Variants in NNT observed in about 807,000 individuals in gnomAD.
NNT encodes the protein NAD(P) transhydrogenase, mitochondrial.
Under a neutral mutation model 104.8 loss-of-function variants are expected in NNT, and 50 were observed. The observed-to-expected ratio is 0.48, with a 90% CI of 0.38 to 0.60. The LOEUF is 0.60. NNT is among the 20% of genes least tolerant of loss of function. The pLI is 0.00. For missense variants in NNT, 1,131 were observed against 1,330.7 expected (o/e 0.85, Z 2.33); for synonymous variants, 461 against 490.4 (o/e 0.94, Z 0.79).
At chr5:43,685,176 A>G (rs1040192102) in intron 19 of NNT, among the ~76,000 whole-genome samples, 2 of 152,216 alleles carry the variant, frequency 1.3e-5, no homozygotes, top group African/African-American at 4.8e-5. Context: ...TATAGTTTTA[A>G]AACAGGAGAA....
At chr5:43,637,849 C>T (rs1751016457) in intron 7 of NNT, among the ~76,000 whole-genome samples, 1 of 152,174 alleles carries the variant, frequency 6.6e-6, no homozygotes, top group Non-Finnish European at 1.5e-5. Flanking sequence ...TGCACCTCGG[C>T]TTACACCTGG....
chr5:43,665,242 T>A (rs986668353), intron 17 of NNT, among the ~76,000 whole-genome samples: 17 of 150,554 alleles, frequency 1.1e-4, no homozygotes, highest in Non-Finnish European at 2.1e-4. Context: ...TTATTATTAT[T>A]TTTTAGTATT....
At chr5:43,695,775 G>A (rs1244788391) in intron 19 of NNT, among the ~76,000 whole-genome samples, 1 of 152,198 alleles carries the variant, frequency 6.6e-6, no homozygotes, top group Non-Finnish European at 1.5e-5. Context: ...ATCAATGGCA[G>A]AAGGCGAGAA....
chr5:43,635,382 G>C (rs1750879959), intron 7 of NNT, among the ~76,000 whole-genome samples: 1 of 152,144 alleles, frequency 6.6e-6, no homozygotes, highest in African/African-American at 2.4e-5. Flanking sequence ...AAGTGGGATG[G>C]AGGAGTGTGC....
intron 3 of NNT, 65 bp downstream of exon 3, chr5:43,613,202 A>C: frequency 7.7e-7 from 1 of 1,302,588 alleles, no homozygotes. Flanking sequence ...TTCATAGAAA[A>C]ATTAAATTAC....
At chr5:43,624,338 A>T (rs1750252546) in intron 6 of NNT, among the ~76,000 whole-genome samples, 1 of 152,218 alleles carries the variant, frequency 6.6e-6, no homozygotes, top group South Asian at 2.1e-4. Context: ...GTGGATTGAC[A>T]GTGGGACCAG....
chr5:43,603,234 A>T lies in NNT; in HGVS notation c.-114A>T, dbSNP rs1416345344. 6.6e-6 allele frequency: 1 copy of T among 152,582 alleles called. No individual in the cohort carries two copies. Among genetic ancestry groups the T allele is most frequent in the Non-Finnish European group, 1.5e-5 (1 of 68,334 alleles). 9.5% of individuals were successfully genotyped at this position (152,582 alleles called of 1,614,324 possible). ...CGCGGGGCCCAAGCCCGGGTCTGCCAGCGCGACGTCCTCTCGCGGCCCTCA... is the reference window on the plus strand; with the variant it reads ...CGCGGGGCCCAAGCCCGGGTCTGCCTGCGCGACGTCCTCTCGCGGCCCTCA... On this transcript the variant is annotated 5_prime_UTR_variant, in exon 1 of 22. Coordinates refer to ENST00000344920, the MANE Select transcript of NNT (RefSeq NM_182977.3).
Position 43,655,976 on chromosome 5 carries a change from T to G in NNT, c.2196T>G (p.Asp732Glu). ...TAGAATATCCACATTTTGCTACGGA[T>G]GCAGCAGCAAATCTCACCAAGATTG... ...YIIEYPHFAT[D>E]AAANLTKIVA... The change falls in exon 15 of 22, where the codon GAT (aspartate) becomes GAG (glutamate). Residue 732 changes from aspartate to glutamate, a missense_variant. Coordinates refer to ENST00000344920, the MANE Select transcript of NNT (RefSeq NM_182977.3). 6.2e-7 allele frequency: 1 copy of G among 1,614,224 alleles called. No homozygotes were observed.
At chr5:43,653,483 A>G in intron 14 of NNT, 1 of 323,122 alleles carries the variant, frequency 3.1e-6, no homozygotes, top group Non-Finnish European at 5.8e-6. Flanking sequence ...GGAATGGGGG[A>G]TTGGAATCCT....
intron 14 of NNT, among the ~76,000 whole-genome samples, chr5:43,654,178 C>A (rs1340222705): frequency 1.3e-5 from 2 of 152,118 alleles, no homozygotes; most frequent in South Asian, 4.1e-4. Flanking sequence ...TATCAGTGGG[C>A]TGTGGTACAT....
At chr5:43,653,280 T>C in intron 14 of NNT, 67 bp downstream of exon 14, 1 of 1,378,656 alleles carries the variant, frequency 7.3e-7, no homozygotes, top group Non-Finnish European at 9.8e-7. Flanking sequence ...CTAAGGTCCA[T>C]ATTGATGAAA....
At chr5:43,637,898 C>A (rs1334226807) in intron 7 of NNT, among the ~76,000 whole-genome samples, 1 of 152,144 alleles carries the variant, frequency 6.6e-6, no homozygotes, top group African/African-American at 2.4e-5. Flanking sequence ...TAAGATTACC[C>A]TTAGGCCTTC....
intron 3 of NNT, 111 bp downstream of exon 3, chr5:43,613,248 A>G (rs1037530623): frequency 1.3e-5 from 11 of 835,492 alleles, no homozygotes; most frequent in Non-Finnish European, 1.8e-5. Context: ...ATTTTCAAAC[A>G]GTGTATTTTT....
intron 4 of NNT, among the ~76,000 whole-genome samples, chr5:43,618,342 A>G (rs1411800120): frequency 6.6e-6 from 1 of 152,216 alleles, no homozygotes; most frequent in Non-Finnish European, 1.5e-5. Flanking sequence ...CCAAGGTCAC[A>G]AAGGTAATCA....
intron 17 of NNT, 21 bp downstream of exon 17, chr5:43,659,371 G>T: frequency 1.3e-6 from 2 of 1,564,328 alleles, no homozygotes; most frequent in South Asian, 2.3e-5. Context: ...ACACATACAT[G>T]AAACAAAAGG....
intron 14 of NNT, among the ~76,000 whole-genome samples, chr5:43,655,425 G>T (rs936554474): frequency 6.6e-6 from 1 of 152,114 alleles, no homozygotes; most frequent in East Asian, 1.9e-4. Context: ...ATCACAAGTG[G>T]TGAATTCCAC....
At chr5:43,605,243 G>A (rs13177107) in intron 1 of NNT, among the ~76,000 whole-genome samples, 5,199 of 152,138 alleles carry the variant, frequency 0.034, 142 homozygotes, top group East Asian at 0.13. Context: ...TGGGCCGGGC[G>A]CGGTGGCTCA....
intron 8 of NNT, 116 bp from the exon 9 acceptor site, chr5:43,644,495 A>G: frequency 1.8e-6 from 2 of 1,127,954 alleles, no homozygotes; most frequent in South Asian, 1.6e-5. Context: ...GTATGTATGT[A>G]TATTCATAAA....
At chr5:43,698,081 T>TATACAC (rs546225803) in intron 19 of NNT, among the ~76,000 whole-genome samples, 7 of 150,058 alleles carry the variant, frequency 4.7e-5, no homozygotes, top group African/African-American at 1.7e-4. Flanking sequence ...TTTGGATATA[T>TATACAC]ACACACACAC....
Sources: allele counts gnomAD v4.1 joint callset (sites outside exome capture counted in the v4.1 genomes callset), GRCh38; gene constraint gnomAD v4.1.1; transcripts MANE v1.5; gene names NCBI Gene and HGNC (gene_info 2026-07-23, HGNC 2026-07-21).